The following UBR1 variants were observed in gnomAD, a reference collection of about 807,000 sequenced individuals.
The protein encoded by UBR1 is E3 ubiquitin-protein ligase UBR1.
A neutral mutation model predicts 242.1 loss-of-function variants in UBR1; 102 were observed. The observed-to-expected ratio is 0.42, with a 90% confidence interval of 0.36 to 0.50. UBR1 has a LOEUF of 0.50. UBR1 is among the 20% of genes least tolerant of loss of function. The pLI is 0.01. For synonymous variants in UBR1, 675 were observed against 684.8 expected, an observed-to-expected ratio of 0.99 and a Z score of 0.22; for missense variants, 1,772 against 2,101.8, an observed-to-expected ratio of 0.84 and a Z score of 3.07.
chr15:42,957,184 A>G (rs1393804808), intron 44 of UBR1, among the ~76,000 whole-genome samples: 1 of 152,200 alleles, frequency 6.6e-6, no homozygotes, highest in Non-Finnish European at 1.5e-5. Context: ...ATGGAATATT[A>G]TTTAGTCAAA....
Position 42,960,644 on chromosome 15 carries a change from C to A in UBR1, c.4757+1G>T, listed in dbSNP as rs776967833. ...AGAAAGGATTAAGTAGTAAAACCAA[C>A]CTGACCACGGTGTTTTTTTGCTTCA... On this transcript the variant is annotated splice_donor_variant, in intron 43 of 46. Coordinates refer to ENST00000290650, the MANE Select transcript of UBR1 (RefSeq NM_174916.3). LOFTEE classifies it high-confidence loss of function. The A allele has an allele frequency of 6.2e-7, 1 of 1,613,992 alleles. No homozygotes were observed. The highest frequency in any genetic ancestry group is 8.5e-7 in the Non-Finnish European group (1 of 1,179,912).
chr15:43,081,505 C>T (rs1298925895), intron 3 of UBR1, among the ~76,000 whole-genome samples: 2 of 150,986 alleles, frequency 1.3e-5, no homozygotes, highest in African/African-American at 4.9e-5. Context: ...TGGATTTTCA[C>T]TATTCTAATA....
intron 44 of UBR1, among the ~76,000 whole-genome samples, chr15:42,954,508 T>C (rs573458374): frequency 6.6e-6 from 1 of 152,160 alleles, no homozygotes; most frequent in African/African-American, 2.4e-5. Flanking sequence ...GAGAATTTCC[T>C]GAGTCATTCC....
chr15:43,056,598 A>G (rs1427448904), intron 10 of UBR1, among the ~76,000 whole-genome samples, 156 bp from the exon 11 acceptor site: 2 of 152,248 alleles, frequency 1.3e-5, no homozygotes, highest in African/African-American at 4.8e-5. Context: ...CAGCAAAAAT[A>G]TCTTAGAAGG....
intron 3 of UBR1, among the ~76,000 whole-genome samples, chr15:43,076,348 C>T (rs1190379602): frequency 6.6e-6 from 1 of 152,160 alleles, no homozygotes; most frequent in Non-Finnish European, 1.5e-5. Flanking sequence ...ACCTCCCAGC[C>T]GCCTGCCTTG....
chr15:42,966,828 AC>A (rs1388365029), intron 40 of UBR1, among the ~76,000 whole-genome samples: 6 of 152,188 alleles, frequency 3.9e-5, no homozygotes, highest in Admixed American at 2.6e-4. Flanking sequence ...GTGATAAAAA[AC>A]AAAAGCAAAA....
At chr15:43,086,995 A>T (rs2034044743) in intron 1 of UBR1, among the ~76,000 whole-genome samples, 1 of 152,216 alleles carries the variant, frequency 6.6e-6, no homozygotes, top group Non-Finnish European at 1.5e-5. Context: ...GACAACACAT[A>T]GGGAGACCCT....
At chr15:43,034,812 G>A (rs1346326004) in intron 19 of UBR1, among the ~76,000 whole-genome samples, 1 of 151,452 alleles carries the variant, frequency 6.6e-6, no homozygotes. Flanking sequence ...TTGAACCCGG[G>A]GTGGGCAGAG....
At chr15:42,988,576 C>T (rs534155451) in intron 35 of UBR1, 35 of 497,616 alleles carry the variant, frequency 7.0e-5, no homozygotes, top group Non-Finnish European at 1.1e-4. Flanking sequence ...TCCACCGTGC[C>T]CAGCTTTTTA....
chr15:42,968,586 GTA>G lies in UBR1; in HGVS notation c.4457+1932_4457+1933del, dbSNP rs528330332. ...CAGAACGTGCAGGTTTGTTATATAG[GTA>G]TACATGTGTCATGGTGGAGGTTTGC... On this transcript the variant is annotated intron_variant, in intron 40 of 46. Transcript: ENST00000290650. Among the ~76,000 whole-genome samples the G allele has an allele frequency of 1.4e-3, 216 of 151,904 alleles. 1 individual carries two copies. Among genetic ancestry groups the G allele is most frequent in the South Asian group, 5.2e-3 (25 of 4,796 alleles).
At chr15:42,997,458 A>T (rs1310455960) in intron 33 of UBR1, among the ~76,000 whole-genome samples, 1 of 152,224 alleles carries the variant, frequency 6.6e-6, no homozygotes, top group Non-Finnish European at 1.5e-5. Flanking sequence ...TGTCTTCCAT[A>T]AAACCGGTCC....
chr15:43,086,058 C>T lies in UBR1; in HGVS notation c.264G>A (p.Glu88=), dbSNP rs142558660. The change falls in exon 2 of 47, where the codon GAG becomes GAA. Residue 88 remains glutamate (E), a synonymous_variant. Transcript: ENST00000290650. ...GAAATGCTCCACTGTGCTTCAATTT[C>T]TCTAAGCAAATATCTGGATCTTCTC... is the stretch of plus-strand genomic sequence containing the variant. ...LFGEDPDICL[E]KLKHSGAFQL... 1,765 of 1,613,906 alleles carry T rather than the reference C, an allele frequency of 1.1e-3. 1 individual carries two copies. Among genetic ancestry groups the T allele is most frequent in the Non-Finnish European group, 1.4e-3 (1,636 of 1,179,992 alleles).
rs548778428 is a variant in UBR1, at chr15:43,057,007, T to C, written c.1183-565A>G. Among the ~76,000 whole-genome samples, 11 of 152,266 alleles carry C rather than the reference T, an allele frequency of 7.2e-5. No individual in the cohort carries two copies. The South Asian group carries it at 2.3e-3, about 32-fold the overall frequency. ...TATACTCAGTCACATAATAGGCATC[T>C]ATTATGTGTAAGGCACAAAGTTGGA... On this transcript the variant is annotated intron_variant, in intron 10 of 46. Transcript: ENST00000290650.
At chr15:43,020,269 G>A (rs1178850297) in intron 27 of UBR1, among the ~76,000 whole-genome samples, 1 of 151,192 alleles carries the variant, frequency 6.6e-6, no homozygotes, top group Non-Finnish European at 1.5e-5. Flanking sequence ...TCGAACTCCT[G>A]ACCTCAGGTG....
chr15:42,990,221 G>T, intron 33 of UBR1, 101 bp from the exon 34 acceptor site: 1 of 870,108 alleles, frequency 1.1e-6, no homozygotes, highest in Non-Finnish European at 1.8e-6. Flanking sequence ...GTCTCACTCT[G>T]TCACCCATGC....
intron 33 of UBR1, among the ~76,000 whole-genome samples, chr15:42,997,278 C>T (rs566135702): frequency 1.6e-4 from 24 of 152,158 alleles, no homozygotes; most frequent in Non-Finnish European, 2.4e-4. Flanking sequence ...CCAGATGGGA[C>T]CATCTAGTCG....
At chr15:42,984,855 G>C in intron 36 of UBR1, 32 bp downstream of exon 36, 1 of 1,582,420 alleles carries the variant, frequency 6.3e-7, no homozygotes, top group Non-Finnish European at 8.7e-7. Context: ...GGCATGCCAT[G>C]AGTTACATGT....
At chr15:43,059,579 T>G (rs537338582) in intron 8 of UBR1, 123 bp downstream of exon 8, 11 of 1,151,990 alleles carry the variant, frequency 9.5e-6, no homozygotes, top group Admixed American at 3.0e-5. Flanking sequence ...TTAATCAAAG[T>G]GTATAAACCA....
intron 20 of UBR1, among the ~76,000 whole-genome samples, chr15:43,031,803 A>T (rs1225700986): frequency 6.6e-6 from 1 of 152,152 alleles, no homozygotes; most frequent in Non-Finnish European, 1.5e-5. Flanking sequence ...CAGGCAGATC[A>T]TGAGGTCAGG....
Sources: allele counts gnomAD v4.1 joint callset (sites outside exome capture counted in the v4.1 genomes callset), GRCh38; gene constraint gnomAD v4.1.1; transcripts MANE v1.5; gene names NCBI Gene and HGNC (gene_info 2026-07-23, HGNC 2026-07-21).